CCDC15: variants seen among roughly 807,000 people sequenced by gnomAD.
CCDC15 encodes the protein coiled-coil domain-containing protein 15.
A neutral mutation model predicts 114.5 loss-of-function variants in CCDC15; 105 were observed. That is an observed-to-expected ratio of 0.92 (90% CI 0.78 to 1.08). The LOEUF is 1.08. Among genes scored for constraint, CCDC15 ranks in the 50% least tolerant of loss-of-function variants. CCDC15 has a pLI of 0.00. For missense variants in CCDC15, 1,105 were observed against 1,093.6 expected (o/e 1.01, Z -0.15); for synonymous variants, 334 against 377.8 (o/e 0.88, Z 1.34).
chr11:125,008,537 A>T (rs1948567166), intron 13 of CCDC15, among the ~76,000 whole-genome samples: 1 of 152,000 alleles, frequency 6.6e-6, no homozygotes. Context: ...ATTAGCAAGG[A>T]CTTTCAGTAT....
intron 9 of CCDC15, 74 bp downstream of exon 9, chr11:124,991,657 G>A: frequency 7.5e-7 from 1 of 1,331,276 alleles, no homozygotes; most frequent in Non-Finnish European, 1.0e-6. Context: ...TGGTAATTTA[G>A]AATGAGGGAT....
At position 124,988,053 on chromosome 11, in the gene CCDC15, A is replaced by C; in HGVS notation, c.1827A>C (p.Leu609=). The C allele has an allele frequency of 6.2e-7, 1 of 1,614,010 alleles. No individual in the cohort carries two copies. The highest frequency in any genetic ancestry group is 1.3e-5 in the African/African-American group (1 of 75,052). ...CCATATGTCAGGACCGGGATTTTCT[A>C]CCCAGAGACCTGCATGTTCTCTCCA... ...ILPICQDRDF[L]PRDLHVLSND... The change falls in exon 8 of 16, where the codon CTA becomes CTC. Residue 609 remains leucine (L), a synonymous_variant. Transcript: ENST00000344762.
At chr11:124,995,368 G>T (rs569255999) in intron 11 of CCDC15, among the ~76,000 whole-genome samples, 3 of 151,642 alleles carry the variant, frequency 2.0e-5, no homozygotes, top group Non-Finnish European at 2.9e-5. Flanking sequence ...TTATTAATTT[G>T]CTTGTTTTCT....
Position 124,987,305 on chromosome 11 carries a change from C to T in CCDC15, c.1079C>T (p.Thr360Ile), listed in dbSNP as rs370829533. The T allele has an allele frequency of 6.2e-7, 1 of 1,612,314 alleles. No individual in the cohort carries two copies. The highest frequency in any genetic ancestry group is 1.7e-5 in the Admixed American group (1 of 59,758). The change falls in exon 8 of 16, where the codon ACC becomes ATC. Residue 360 changes from threonine to isoleucine, a missense_variant. By Grantham distance (89) the Thr-to-Ile change is moderately conservative. Transcript: ENST00000344762. ...LTGIQSVKPD[T>I]QAVEMKVQVT... ...GGAATCCAGAGTGTTAAGCCAGATA[C>T]CCAGGCTGTTGAAATGAAGGTTCAG...
chr11:124,994,431 T>G (rs1948327613), intron 11 of CCDC15, among the ~76,000 whole-genome samples: 1 of 152,238 alleles, frequency 6.6e-6, no homozygotes, highest in Non-Finnish European at 1.5e-5. Flanking sequence ...TAAGATTATT[T>G]TAGGTCTCCC....
At chr11:124,998,304 C>T (rs1419471446) in intron 11 of CCDC15, among the ~76,000 whole-genome samples, 1 of 152,096 alleles carries the variant, frequency 6.6e-6, no homozygotes, top group African/African-American at 2.4e-5. Context: ...TCCTGTGCTT[C>T]CTTATAGTCA....
Position 124,977,961 on chromosome 11 carries a change from G to A in CCDC15, c.753+361G>A, listed in dbSNP as rs145300437. Among the ~76,000 whole-genome samples the A allele has an allele frequency of 3.3e-5, 5 of 152,100 alleles. No individual in the cohort carries two copies. The East Asian group carries it at 7.7e-4, about 23-fold the overall frequency. On this transcript the variant is annotated intron_variant, in intron 6 of 15. Coordinates refer to ENST00000344762, the MANE Select transcript of CCDC15 (RefSeq NM_025004.3). Reference sequence around the variant, plus strand: ...TTTGGTGTACAGATTACTTCGTCACGTGACTTTACCTAATAGGTAGTTTTC... The same window carrying A: ...TTTGGTGTACAGATTACTTCGTCACATGACTTTACCTAATAGGTAGTTTTC...
rs775368917 is a variant in CCDC15 at position 124,988,085 on chromosome 11, A to G, written c.1859A>G (p.Gln620Arg). 7 of 1,613,916 alleles carry G rather than the reference A, an allele frequency of 4.3e-6. No individual in the cohort carries two copies. Among genetic ancestry groups the G allele is most frequent in the Non-Finnish European group, 5.9e-6 (7 of 1,179,854 alleles). ...GACCTGCATGTTCTCTCCAACGACCAGAATATTCTACCCAAATGTCAGGAC... is the reference window on the plus strand; with the variant it reads ...GACCTGCATGTTCTCTCCAACGACCGGAATATTCTACCCAAATGTCAGGAC... ...PRDLHVLSND[Q>R]NILPKCQDQD... Residue 620 changes from glutamine to arginine, a missense_variant, in exon 8 of 16, where the codon CAG (glutamine) becomes CGG (arginine). Gln to Arg is a conservative substitution (Grantham distance 43). Transcript: ENST00000344762.
intron 12 of CCDC15, 108 bp from the exon 13 acceptor site, chr11:125,005,001 T>G (rs988847993): frequency 1.8e-6 from 1 of 540,558 alleles, no homozygotes; most frequent in Non-Finnish European, 3.3e-6. Context: ...CTATATCATC[T>G]GTTTCTGTTT....
intron 4 of CCDC15, among the ~76,000 whole-genome samples, chr11:124,966,663 T>C (rs914664452): frequency 3.3e-5 from 5 of 152,226 alleles, no homozygotes; most frequent in African/African-American, 1.2e-4. Context: ...TATTGTTATG[T>C]GTGAATTTGG....
At chr11:124,979,391 A>G (rs1258153626) in intron 6 of CCDC15, among the ~76,000 whole-genome samples, 2 of 152,118 alleles carry the variant, frequency 1.3e-5, no homozygotes, top group African/African-American at 2.4e-5. Flanking sequence ...CATTTTAACT[A>G]TATTGATTCT....
intron 13 of CCDC15, among the ~76,000 whole-genome samples, chr11:125,028,071 T>A (rs1263878350): frequency 6.6e-6 from 1 of 152,212 alleles, no homozygotes; most frequent in Non-Finnish European, 1.5e-5. Flanking sequence ...TTCTAGGTTC[T>A]CTATTGTGTT....
At chr11:125,003,839 A>G in intron 11 of CCDC15, 28 bp from the exon 12 acceptor site, 1 of 1,365,596 alleles carries the variant, frequency 7.3e-7, no homozygotes, top group Non-Finnish European at 1.0e-6. Context: ...TAATTTTGTC[A>G]CTTTGTGTGA....
chr11:124,966,729 C>G (rs1330746983), intron 4 of CCDC15, among the ~76,000 whole-genome samples: 1 of 152,184 alleles, frequency 6.6e-6, no homozygotes, highest in African/African-American at 2.4e-5. Context: ...GCAGTTTCTT[C>G]CTAGCATCGA....
intron 13 of CCDC15, among the ~76,000 whole-genome samples, chr11:125,020,125 G>A (rs954044387): frequency 6.6e-6 from 1 of 151,860 alleles, no homozygotes; most frequent in Non-Finnish European, 1.5e-5. Context: ...AGAAAAAACA[G>A]GAACAGCAGG....
At chr11:124,988,705 C>T (rs567004972) in intron 8 of CCDC15, among the ~76,000 whole-genome samples, 34 of 152,302 alleles carry the variant, frequency 2.2e-4, no homozygotes, top group African/African-American at 7.5e-4. Flanking sequence ...CAGCTAAGTC[C>T]GTGTAATATT....
intron 13 of CCDC15, among the ~76,000 whole-genome samples, chr11:125,019,239 T>G (rs1480875186): frequency 1.3e-5 from 2 of 152,010 alleles, no homozygotes; most frequent in Admixed American, 6.6e-5. Flanking sequence ...CCTAACTGTG[T>G]GTCAAGCACT....
intron 13 of CCDC15, among the ~76,000 whole-genome samples, chr11:125,015,230 A>G (rs1948620632): frequency 6.6e-6 from 1 of 152,166 alleles, no homozygotes; most frequent in African/African-American, 2.4e-5. Context: ...ATCAGAAAAA[A>G]AGCCATAGGA....
chr11:125,021,126 T>TA (rs1163858580), intron 13 of CCDC15, among the ~76,000 whole-genome samples: 2 of 151,766 alleles, frequency 1.3e-5, no homozygotes, highest in African/African-American at 4.8e-5. Context: ...GGAGAAGGCC[T>TA]AAAATGGAGC....
Sources: gnomAD v4.1 joint callset for allele counts (sites outside exome capture counted in the v4.1 genomes callset) on GRCh38, gnomAD v4.1.1 for gene constraint, MANE v1.5 for transcripts, NCBI Gene and HGNC (gene_info 2026-07-23, HGNC 2026-07-21) for gene names.